MTMR14: variants seen among roughly 807,000 people sequenced by gnomAD.
The protein encoded by MTMR14 is myotubularin related protein 14.
A neutral mutation model predicts 86.3 loss-of-function variants in MTMR14; 48 were observed. The observed-to-expected ratio is 0.56, with a 90% CI of 0.44 to 0.71. The LOEUF is 0.71. Ranked by LOEUF, MTMR14 falls within the 30% of genes least tolerant of loss-of-function variation. MTMR14 has a pLI of 0.00. For synonymous variants in MTMR14, 366 were observed against 326.1 expected, an observed-to-expected ratio of 1.12 and a Z score of -1.32; for missense variants, 780 against 834.6, an observed-to-expected ratio of 0.93 and a Z score of 0.81.
At chr3:9,697,024 C>G (rs1233884608) in intron 17 of MTMR14, among the ~76,000 whole-genome samples, 5 of 152,160 alleles carry the variant, frequency 3.3e-5, no homozygotes, top group Admixed American at 2.6e-4. Context: ...CTCCCACCCC[C>G]AAAACCTCCA....
intron 2 of MTMR14, among the ~76,000 whole-genome samples, chr3:9,657,481 G>A (rs1246051751): frequency 6.6e-6 from 1 of 152,084 alleles, no homozygotes; most frequent in African/African-American, 2.4e-5. Flanking sequence ...TGTTTGGCAG[G>A]TGTTGAGGTT....
intron 2 of MTMR14, among the ~76,000 whole-genome samples, chr3:9,661,584 C>T (rs1352217459): frequency 6.6e-6 from 1 of 152,106 alleles, no homozygotes; most frequent in African/African-American, 2.4e-5. Context: ...TAGATAGTCA[C>T]AAAAATGGTC....
intron 9 of MTMR14, among the ~76,000 whole-genome samples, chr3:9,678,435 T>G (rs991487749): frequency 8.5e-5 from 13 of 152,178 alleles, no homozygotes; most frequent in African/African-American, 2.7e-4. Context: ...CTCATTTGAT[T>G]ATAGAAACAT....
At chr3:9,679,469 G>A (rs978245946) in intron 9 of MTMR14, among the ~76,000 whole-genome samples, 2 of 152,216 alleles carry the variant, frequency 1.3e-5, no homozygotes, top group Admixed American at 1.3e-4. Context: ...TCCTTATGCA[G>A]GTACAAACTG....
intron 2 of MTMR14, among the ~76,000 whole-genome samples, chr3:9,655,461 CTTTT>C (rs779901219): frequency 1.0e-4 from 6 of 59,312 alleles, no homozygotes; most frequent in Non-Finnish European, 9.7e-5. Context: ...CCCTTGATGT[CTTTT>C]TTTTTTTTTT....
chr3:9,676,952 G>C (rs75938917), intron 7 of MTMR14, among the ~76,000 whole-genome samples: 1 of 152,162 alleles, frequency 6.6e-6, no homozygotes, highest in African/African-American at 2.4e-5. Flanking sequence ...AGTGGCTCAC[G>C]TTGTGAGTCA....
At chr3:9,678,284 A>G (rs2075650081) in intron 9 of MTMR14, among the ~76,000 whole-genome samples, 1 of 152,228 alleles carries the variant, frequency 6.6e-6, no homozygotes, top group Non-Finnish European at 1.5e-5. Context: ...AACGTGACTC[A>G]TTCAAAGATT....
intron 9 of MTMR14, among the ~76,000 whole-genome samples, chr3:9,682,494 G>T (rs543878838): frequency 3.8e-4 from 58 of 152,146 alleles, no homozygotes; most frequent in Non-Finnish European, 7.1e-4. Context: ...GTTCTGAGTG[G>T]GCTGTTTCTT....
chr3:9,653,499 C>A, intron 1 of MTMR14, 122 bp from the exon 2 acceptor site: 1 of 1,265,424 alleles, frequency 7.9e-7, no homozygotes, highest in Non-Finnish European at 1.1e-6. Context: ...ATCTTCCCAG[C>A]ACAGAATAAT....
chr3:9,681,421 C>A (rs755818643), intron 9 of MTMR14, among the ~76,000 whole-genome samples: 11 of 152,206 alleles, frequency 7.2e-5, no homozygotes, highest in Non-Finnish European at 1.3e-4. Context: ...AAAACAGCCT[C>A]TGCCCTCATG....
rs966242753 is a variant in MTMR14 at position 9,677,744 on chromosome 3, A to T, written c.823-240A>T. ...GGGAAACCTGCCGGAAGCTGAACAC[A>T]TATTGATCTTGCATGTTTCAGCAAC... On this transcript the variant is annotated intron_variant, in intron 8 of 18. Transcript: ENST00000296003. The surrounding 1 kb of genome is among the most constrained non-coding windows in gnomAD (Gnocchi z 4.2). Among the ~76,000 whole-genome samples, 1 of 152,218 alleles carries T rather than the reference A, an allele frequency of 6.6e-6. No homozygotes were observed. Among genetic ancestry groups the T allele is most frequent in the East Asian group, 1.9e-4 (1 of 5,198 alleles).
In MTMR14 at chr3:9,677,859, G is replaced by A; in HGVS notation, c.823-125G>A. The A allele has an allele frequency of 1.3e-6, 1 of 764,498 alleles. No homozygotes were observed. The highest frequency in any genetic ancestry group is 1.7e-5 in the South Asian group (1 of 59,752). 47.4% of individuals were successfully genotyped at this position (764,498 alleles called of 1,614,324 possible). A position where few individuals can be genotyped will look rare whatever the true frequency, so the allele number is the denominator to read the frequency against. ...AAGCTGTCACTCCCAGGTAGCACAG[G>A]TATCTGGCCCAGAGAAGGCAAGCAC... On this transcript the variant is annotated intron_variant, in intron 8 of 18. Coordinates refer to ENST00000296003, the MANE Select transcript of MTMR14 (RefSeq NM_001077525.3). This position sits in a 1 kb window ranked among gnomAD's most constrained non-coding sequence, Gnocchi z 4.2.
intron 2 of MTMR14, 156 bp downstream of exon 2, chr3:9,653,925 C>G: frequency 1.0e-6 from 1 of 1,003,300 alleles, no homozygotes; most frequent in Non-Finnish European, 1.5e-6. Flanking sequence ...ACAAGTCAGA[C>G]TGGCAAGGTG....
chr3:9,669,735 T>C (rs1574984831), intron 5 of MTMR14, among the ~76,000 whole-genome samples: 1 of 152,266 alleles, frequency 6.6e-6, no homozygotes, highest in East Asian at 1.9e-4. Context: ...ACAGAGAACA[T>C]CCCACTCTTG....
intron 2 of MTMR14, chr3:9,659,651 C>T (rs2047808979): frequency 2.2e-6 from 1 of 453,292 alleles, no homozygotes; most frequent in Admixed American, 2.4e-5. Context: ...ACCATGTTGG[C>T]CAGGCTGGTC....
intron 4 of MTMR14, 98 bp from the exon 5 acceptor site, chr3:9,669,334 C>T: frequency 8.1e-7 from 1 of 1,234,340 alleles, no homozygotes; most frequent in Non-Finnish European, 1.2e-6. Flanking sequence ...TAGTCCCAGC[C>T]CACCCTTGGC....
At chr3:9,693,639 G>A (rs2076200859) in intron 17 of MTMR14, among the ~76,000 whole-genome samples, 1 of 152,168 alleles carries the variant, frequency 6.6e-6, no homozygotes, top group South Asian at 2.1e-4. Context: ...TTCATGCTGA[G>A]GAAAAAATAG....
rs755507548 is a variant in MTMR14, at chr3:9,697,743, T to C, written c.1646T>C (p.Leu549Pro). The C allele has an allele frequency of 6.2e-7, 1 of 1,614,086 alleles. No homozygotes were observed. Among genetic ancestry groups the C allele is most frequent in the Non-Finnish European group, 8.5e-7 (1 of 1,179,982 alleles). ...SVDHPLPGSS[L>P]STDYGSWQMV... Reference sequence around the variant, plus strand: ...GACCATCCCCTGCCCGGATCCTCTCTCTCCACAGACTATGGCAGCTGGCAG... The same window carrying C: ...GACCATCCCCTGCCCGGATCCTCTCCCTCCACAGACTATGGCAGCTGGCAG... Residue 549 changes from leucine to proline, a missense_variant, in exon 18 of 19, where the codon CTC (leucine) becomes CCC (proline). Coordinates refer to ENST00000296003, the MANE Select transcript of MTMR14 (RefSeq NM_001077525.3).
chr3:9,655,706 CCG>C (rs1285375973), intron 2 of MTMR14, among the ~76,000 whole-genome samples: 2 of 151,344 alleles, frequency 1.3e-5, no homozygotes, highest in Non-Finnish European at 2.9e-5. Context: ...CATGATCCAG[CCG>C]CCTCGGCCTC....
Sources: gnomAD v4.1 joint callset for allele counts (sites outside exome capture counted in the v4.1 genomes callset) on GRCh38, gnomAD v4.1.1 for gene constraint, Gnocchi (gnomAD v3.1) non-coding constraint, MANE v1.5 for transcripts, NCBI Gene and HGNC (gene_info 2026-07-23, HGNC 2026-07-21) for gene names.